Variants in IGSF11 observed in about 807,000 individuals in gnomAD.
The protein encoded by IGSF11 is immunoglobulin superfamily member 11.
A neutral mutation model predicts 41.0 loss-of-function variants in IGSF11; 22 were observed. The ratio of observed to expected loss-of-function variants is 0.54; its 90% CI spans 0.38 to 0.77. IGSF11 has a LOEUF of 0.77. Ranked by LOEUF, IGSF11 falls within the 30% of genes least tolerant of loss-of-function variation. IGSF11 has a pLI of 0.00. For missense variants in IGSF11, 444 were observed against 530.8 expected (o/e 0.84, Z 1.61); for synonymous variants, 219 against 201.3 (o/e 1.09, Z -0.74).
At chr3:119,137,925 G>A (rs1425320285) in intron 1 of IGSF11, among the ~76,000 whole-genome samples, 1 of 151,914 alleles carries the variant, frequency 6.6e-6, no homozygotes, top group African/African-American at 2.4e-5. Context: ...CTCAAAAGAA[G>A]ACATACAAAT....
intron 1 of IGSF11, among the ~76,000 whole-genome samples, chr3:119,114,444 A>G (rs116718554): frequency 0.038 from 5,858 of 152,288 alleles, 186 homozygotes; most frequent in Non-Finnish European, 0.051. Context: ...GACGCCCTAA[A>G]TCATCCTTCT....
chr3:119,136,452 C>T (rs1408988188), intron 1 of IGSF11, among the ~76,000 whole-genome samples: 1 of 152,036 alleles, frequency 6.6e-6, no homozygotes, highest in East Asian at 1.9e-4. Context: ...TGAAGGCACA[C>T]ATAGACTGAA....
chr3:119,047,943 A>C (rs143670446), intron 1 of IGSF11, among the ~76,000 whole-genome samples: 60 of 152,342 alleles, frequency 3.9e-4, no homozygotes, highest in African/African-American at 1.4e-3. Context: ...TGTTCTTTGA[A>C]ACCAACGAGA....
chr3:119,102,502 AT>A (rs1462771981), intron 1 of IGSF11, among the ~76,000 whole-genome samples: 1 of 152,234 alleles, frequency 6.6e-6, no homozygotes, highest in Non-Finnish European at 1.5e-5. Flanking sequence ...CATAACATAA[AT>A]GTTAACAATT....
In IGSF11 at chr3:119,046,269, C is replaced by T. The variant is rs941148865; in HGVS notation, c.49+58875G>A. Among the ~76,000 whole-genome samples the T allele has an allele frequency of 7.7e-4, 115 of 149,386 alleles. 1 individual carries two copies. The highest frequency in any genetic ancestry group is 2.8e-3 in the African/African-American group (113 of 40,950). On this transcript the variant is annotated intron_variant, in intron 1 of 6. Transcript: ENST00000354673. ...GAAAAAAATTTAGAAGAATGTATAA[C>T]TAGGATAACCAATACAGAGAAGTGC...
intron 1 of IGSF11, among the ~76,000 whole-genome samples, chr3:118,957,944 A>G (rs1407604712): frequency 6.6e-6 from 1 of 152,218 alleles, no homozygotes; most frequent in Non-Finnish European, 1.5e-5. Context: ...AGCCTATTAC[A>G]TGTTTCCAAT....
chr3:119,113,594 G>C (rs1051432972), intron 1 of IGSF11, among the ~76,000 whole-genome samples: 1 of 152,202 alleles, frequency 6.6e-6, no homozygotes, highest in African/African-American at 2.4e-5. Flanking sequence ...GCTCTGCAAG[G>C]TACAGCCCCC....
At chr3:119,039,156 T>C (rs1941021176), upstream of IGSF11, among the ~76,000 whole-genome samples, 1 of 152,230 alleles carries the variant, frequency 6.6e-6, no homozygotes, top group South Asian at 2.1e-4. Flanking sequence ...TGTCTATTGC[T>C]GCTATAACAA....
intron 4 of IGSF11, among the ~76,000 whole-genome samples, chr3:118,918,234 C>T (rs2107507178): frequency 8.8e-6 from 1 of 113,148 alleles, no homozygotes; most frequent in East Asian, 2.4e-4. Flanking sequence ...TCCTATTCAA[C>T]ATAGTGTTGG....
chr3:119,109,643 A>G (rs138675659), upstream of IGSF11, among the ~76,000 whole-genome samples: 377 of 151,802 alleles, frequency 2.5e-3, no homozygotes, highest in African/African-American at 8.5e-3. Flanking sequence ...TTTTGAATGT[A>G]TTTGCTCTTG....
intron 1 of IGSF11, among the ~76,000 whole-genome samples, chr3:119,011,945 C>CTGTGTG (rs1553711932): frequency 6.3e-4 from 93 of 148,592 alleles, no homozygotes; most frequent in Admixed American, 1.9e-3. Flanking sequence ...ATATAGTGTT[C>CTGTGTG]TGTGTGTGTG....
chr3:119,013,895 T>C lies in IGSF11; in HGVS notation c.52+20636A>G, dbSNP rs568902083. On this transcript the variant is annotated intron_variant, in intron 1 of 6. Transcript: ENST00000393775. The stretch of plus-strand genomic sequence containing the variant: ...AATCTTGAGTAATAAGATTAAACAC[T>C]ACTTTTGGTTTCAGATACGATATAC... Among the ~76,000 whole-genome samples the C allele has an allele frequency of 3.9e-5, 6 of 152,348 alleles. No individual in the cohort carries two copies. The East Asian group carries it at 9.6e-4, about 24-fold the overall frequency.
At chr3:119,066,927 C>T (rs1306570512) in intron 1 of IGSF11, among the ~76,000 whole-genome samples, 1 of 152,068 alleles carries the variant, frequency 6.6e-6, no homozygotes, top group Non-Finnish European at 1.5e-5. Flanking sequence ...CAACATTTTC[C>T]ACCATTTTAT....
chr3:119,071,812 G>C (rs1243952897), intron 1 of IGSF11, among the ~76,000 whole-genome samples: 1 of 151,948 alleles, frequency 6.6e-6, no homozygotes, highest in African/African-American at 2.4e-5. Flanking sequence ...GGCTACTCTG[G>C]GCCTTCATGA....
rs1941524062 is a variant in IGSF11 at position 119,049,540 on chromosome 3, G to A, written c.49+55604C>T. Among the ~76,000 whole-genome samples the A allele has an allele frequency of 2.0e-5, 3 of 151,876 alleles. No individual in the cohort carries two copies. In the South Asian group the frequency reaches 6.2e-4, roughly 32 times the overall value. On this transcript the variant is annotated intron_variant, in intron 1 of 6. Transcript: ENST00000354673. ...AAGAACATTCCATGCTCATGGGTAG[G>A]AAGAATCAATATCGTGAAAATGGCC... is the stretch of plus-strand genomic sequence containing the variant.
upstream of IGSF11, among the ~76,000 whole-genome samples, chr3:119,035,592 T>C (rs532879027): frequency 3.1e-4 from 47 of 152,376 alleles, no homozygotes; most frequent in African/African-American, 1.1e-3. Context: ...GTACATTTAT[T>C]GTAATCGTTG....
At chr3:118,929,677 T>C (rs1024369565) in intron 2 of IGSF11, among the ~76,000 whole-genome samples, 3 of 152,194 alleles carry the variant, frequency 2.0e-5, no homozygotes, top group African/African-American at 7.2e-5. Flanking sequence ...ATGAGACTCT[T>C]TGAGCTCACT....
At chr3:118,931,156 A>G (rs1942817571) in intron 1 of IGSF11, among the ~76,000 whole-genome samples, 1 of 152,222 alleles carries the variant, frequency 6.6e-6, no homozygotes, top group Non-Finnish European at 1.5e-5. Context: ...GTGCTGGGAT[A>G]ATTTGATAGT....
At position 119,103,968 on chromosome 3, in the gene IGSF11, T is replaced by C. The variant is rs1315198229; in HGVS notation, c.49+1176A>G. 2.6e-5 allele frequency among the ~76,000 whole-genome samples: 4 copies of C among 152,338 alleles called. No individual in the cohort carries two copies. In the East Asian group the frequency reaches 7.7e-4, roughly 29 times the overall value. On this transcript the variant is annotated intron_variant, in intron 1 of 6. Coordinates refer to the IGSF11 transcript ENST00000354673. ...CCCCTCATATATTGTGGCTAAGGTT[T>C]ATAGGTTTCATCTAGTTTTTTTAAA...
Sources: gnomAD v4.1 joint callset for allele counts (sites outside exome capture counted in the v4.1 genomes callset) on GRCh38, gnomAD v4.1.1 for gene constraint, MANE v1.5 for transcripts, NCBI Gene and HGNC (gene_info 2026-07-23, HGNC 2026-07-21) for gene names.